PBX3: variants seen among roughly 807,000 people sequenced by gnomAD.
The protein encoded by PBX3 is PBX homeobox 3.
PBX3 carries 14 observed loss-of-function variants against 48.5 expected under a neutral mutation model. The observed-to-expected ratio is 0.29, with a 90% CI of 0.19 to 0.45. The LOEUF (loss-of-function observed/expected upper bound fraction) is 0.45, where lower values mean the gene tolerates loss of function less well. PBX3 is among the 20% of genes least tolerant of loss of function. PBX3 has a pLI of 1.00. For missense variants in PBX3, 386 were observed against 546.7 expected (o/e 0.71, Z 2.93); for synonymous variants, 210 against 200.3 (o/e 1.05, Z -0.41).
intron 2 of PBX3, among the ~76,000 whole-genome samples, chr9:125,843,410 C>T (rs1178254324): frequency 6.6e-6 from 1 of 151,428 alleles, no homozygotes; most frequent in Admixed American, 6.6e-5. Flanking sequence ...CTGGTATGGT[C>T]ATATGGGGTA....
At chr9:125,815,278 C>T (rs1046764650) in intron 2 of PBX3, among the ~76,000 whole-genome samples, 2 of 152,202 alleles carry the variant, frequency 1.3e-5, no homozygotes, top group Admixed American at 6.5e-5. Flanking sequence ...CTGTTCTTCT[C>T]CTTCCTATAG....
rs190311446 is a variant in PBX3, at chr9:125,794,517, C to T, written c.274+45894C>T. ...TCAGTTTCTATTATTGAATGATGCC[C>T]TATATGGTACCATGAGAAGTTAATT... On this transcript the variant is annotated intron_variant, in intron 2 of 8. Transcript: ENST00000373489. Among the ~76,000 whole-genome samples, 458 of 151,920 alleles carry T rather than the reference C, an allele frequency of 3.0e-3. 1 individual carries two copies. The highest frequency in any genetic ancestry group is 3.7e-3 in the Non-Finnish European group (253 of 67,974).
intron 4 of PBX3, among the ~76,000 whole-genome samples, chr9:125,931,627 C>T (rs539835814): frequency 1.3e-5 from 2 of 152,252 alleles, no homozygotes; most frequent in African/African-American, 2.4e-5. Flanking sequence ...TTTCTTCCTT[C>T]CTTCCACAAA....
chr9:125,851,796 T>C (rs1376920287), intron 2 of PBX3, among the ~76,000 whole-genome samples: 1 of 152,012 alleles, frequency 6.6e-6, no homozygotes, highest in Non-Finnish European at 1.5e-5. Flanking sequence ...GTATTAGTCA[T>C]TGGGGTGCTG....
chr9:125,841,390 C>G (rs1249235706), intron 2 of PBX3, among the ~76,000 whole-genome samples: 2 of 152,032 alleles, frequency 1.3e-5, no homozygotes, highest in African/African-American at 4.8e-5. Context: ...GTAGATGATT[C>G]TTTTGTTTGT....
chr9:125,850,284 C>T (rs368891923), intron 2 of PBX3, among the ~76,000 whole-genome samples: 9 of 152,034 alleles, frequency 5.9e-5, no homozygotes, highest in East Asian at 1.9e-4. Flanking sequence ...AGGTTTGGCA[C>T]GATTTGGAAC....
chr9:125,784,156 A>C (rs1199729793), intron 2 of PBX3, among the ~76,000 whole-genome samples: 1 of 152,050 alleles, frequency 6.6e-6, no homozygotes, highest in Non-Finnish European at 1.5e-5. Context: ...TTTGAGACGA[A>C]GTCTCTCTTT....
At chr9:125,886,773 TG>T (rs1165981352) in intron 2 of PBX3, among the ~76,000 whole-genome samples, 1 of 150,810 alleles carries the variant, frequency 6.6e-6, no homozygotes, top group Non-Finnish European at 1.5e-5. Flanking sequence ...GATCAAGTAT[TG>T]AGATAGTGAC....
At chr9:125,834,999 G>A (rs1375403870) in intron 2 of PBX3, among the ~76,000 whole-genome samples, 1 of 106,316 alleles carries the variant, frequency 9.4e-6, no homozygotes, top group Non-Finnish European at 1.8e-5. Flanking sequence ...CCTCGGTGAC[G>A]AGCAAAACTC....
intron 3 of PBX3, among the ~76,000 whole-genome samples, chr9:125,921,377 A>G (rs1841454675): frequency 6.6e-6 from 1 of 152,086 alleles, no homozygotes; most frequent in African/African-American, 2.4e-5. Flanking sequence ...TCAGGCAATG[A>G]GAAGGCAGAA....
intron 2 of PBX3, among the ~76,000 whole-genome samples, chr9:125,790,409 C>T (rs912691788): frequency 1.8e-4 from 28 of 151,778 alleles, no homozygotes; most frequent in African/African-American, 4.6e-4. Flanking sequence ...TGCACCACCA[C>T]GCCTGGCTAA....
At chr9:125,826,674 C>A (rs1838817262) in intron 2 of PBX3, among the ~76,000 whole-genome samples, 1 of 151,926 alleles carries the variant, frequency 6.6e-6, no homozygotes, top group South Asian at 2.1e-4. Context: ...TTAGATGGTT[C>A]AACTTATTGT....
intron 3 of PBX3, among the ~76,000 whole-genome samples, chr9:125,919,468 C>A (rs909842823): frequency 6.6e-6 from 1 of 151,268 alleles, no homozygotes; most frequent in Non-Finnish European, 1.5e-5. Context: ...CTTGGCCTCC[C>A]AAAGGGCCGG....
At chr9:125,825,764 A>G (rs1838790681) in intron 2 of PBX3, among the ~76,000 whole-genome samples, 1 of 152,236 alleles carries the variant, frequency 6.6e-6, no homozygotes, top group African/African-American at 2.4e-5. Context: ...TCATTTCATC[A>G]GTAAGCATCA....
At chr9:125,933,345 A>G (rs913158811) in intron 4 of PBX3, among the ~76,000 whole-genome samples, 1 of 151,994 alleles carries the variant, frequency 6.6e-6, no homozygotes, top group Non-Finnish European at 1.5e-5. Flanking sequence ...CTCCTCTTCC[A>G]GTAGAAGTGC....
intron 2 of PBX3, among the ~76,000 whole-genome samples, chr9:125,758,255 G>A (rs1310842992): frequency 6.6e-6 from 1 of 151,672 alleles, no homozygotes; most frequent in Non-Finnish European, 1.5e-5. Flanking sequence ...TACTTTCAGT[G>A]TAATCAGTAT....
intron 2 of PBX3, among the ~76,000 whole-genome samples, chr9:125,768,569 A>C (rs769930866): frequency 3.9e-5 from 6 of 152,248 alleles, no homozygotes; most frequent in Non-Finnish European, 7.3e-5. Flanking sequence ...AAAACTAAGC[A>C]AAACTAAATG....
At position 125,765,781 on chromosome 9, in the gene PBX3, C is replaced by T. The variant is rs749679328; in HGVS notation, c.274+17158C>T. On this transcript the variant is annotated intron_variant, in intron 2 of 8. Transcript: ENST00000373489. ...TCCAAAGTAACTCATGCGGGGTGTG[C>T]AGTCATAAATCTAGACTTGATTATT... is the stretch of plus-strand genomic sequence containing the variant. Among the ~76,000 whole-genome samples, 8 of 152,024 alleles carry T rather than the reference C, an allele frequency of 5.3e-5. No homozygotes were observed. In the South Asian group the frequency reaches 8.3e-4, roughly 16 times the overall value.
chr9:125,848,591 T>C (rs913640493), intron 2 of PBX3, among the ~76,000 whole-genome samples: 5 of 152,032 alleles, frequency 3.3e-5, no homozygotes, highest in African/African-American at 1.2e-4. Context: ...AGAAGACAAA[T>C]AGTCTTACTA....
Sources: gnomAD v4.1 joint callset for allele counts (sites outside exome capture counted in the v4.1 genomes callset) on GRCh38, gnomAD v4.1.1 for gene constraint, MANE v1.5 for transcripts, NCBI Gene and HGNC (gene_info 2026-07-23, HGNC 2026-07-21) for gene names.